The following ZNF438 variants were observed in gnomAD, a reference collection of about 807,000 sequenced individuals.
ZNF438 encodes zinc finger protein 438.
ZNF438 carries 25 observed loss-of-function variants against 38.0 expected under a neutral mutation model. The ratio of observed to expected loss-of-function variants is 0.66; its 90% confidence interval spans 0.48 to 0.92. The LOEUF is 0.92. Ranked by LOEUF, ZNF438 falls within the 40% of genes least tolerant of loss-of-function variation. ZNF438 has a pLI of 0.00. For synonymous variants in ZNF438, 372 were observed against 364.1 expected (o/e 1.02, Z -0.25); for missense variants, 1,007 against 999.6 (o/e 1.01, Z -0.10).
At chr10:30,912,144 C>A (rs1280376672) in intron 2 of ZNF438, among the ~76,000 whole-genome samples, 3 of 152,078 alleles carry the variant, frequency 2.0e-5, no homozygotes, top group African/African-American at 7.2e-5. Flanking sequence ...CTAGACACTT[C>A]CTGCTTCAAA....
intron 1 of ZNF438, among the ~76,000 whole-genome samples, chr10:31,023,444 T>A (rs2056742940): frequency 1.3e-5 from 2 of 152,194 alleles, no homozygotes; most frequent in South Asian, 4.1e-4. Context: ...ATAAAAATAA[T>A]CCTTGAGGCA....
intron 1 of ZNF438, among the ~76,000 whole-genome samples, chr10:30,942,356 C>T (rs2046905545): frequency 6.6e-6 from 1 of 152,164 alleles, no homozygotes; most frequent in Non-Finnish European, 1.5e-5. Flanking sequence ...TAAAAGATGG[C>T]TCTGGTTTTC....
chr10:30,955,482 G>A (rs1049947593), intron 1 of ZNF438, among the ~76,000 whole-genome samples: 6 of 152,154 alleles, frequency 3.9e-5, no homozygotes, highest in South Asian at 2.1e-4. Flanking sequence ...CTATCTCCAC[G>A]AAAATTCTCT....
intron 1 of ZNF438, among the ~76,000 whole-genome samples, chr10:31,013,734 A>C (rs182249083): frequency 4.0e-5 from 6 of 151,732 alleles, no homozygotes; most frequent in Non-Finnish European, 7.4e-5. Flanking sequence ...CACATTTTCT[A>C]TCTCTCCTTC....
intron 3 of ZNF438, among the ~76,000 whole-genome samples, chr10:30,882,245 T>C (rs1167036560): frequency 6.6e-6 from 1 of 152,114 alleles, no homozygotes; most frequent in Non-Finnish European, 1.5e-5. Context: ...GAGGTGAACA[T>C]ACACTTCTCC....
intron 1 of ZNF438, among the ~76,000 whole-genome samples, chr10:30,991,553 C>T (rs1370504531): frequency 1.3e-5 from 2 of 152,176 alleles, no homozygotes; most frequent in African/African-American, 2.4e-5. Flanking sequence ...ACTATTCCTG[C>T]CCCCAGTTTC....
intron 1 of ZNF438, among the ~76,000 whole-genome samples, chr10:30,970,812 T>A (rs2050658652): frequency 6.6e-6 from 1 of 152,166 alleles, no homozygotes; most frequent in Non-Finnish European, 1.5e-5. Context: ...AAAATGGACA[T>A]CATCACAGGC....
intron 3 of ZNF438, among the ~76,000 whole-genome samples, chr10:30,903,124 G>C (rs536747838): frequency 6.6e-6 from 1 of 152,196 alleles, no homozygotes; most frequent in South Asian, 2.1e-4. Flanking sequence ...CGCCCACCCG[G>C]AACTCTAGCT....
intron 1 of ZNF438, among the ~76,000 whole-genome samples, chr10:30,962,258 A>G (rs2049578828): frequency 6.8e-6 from 1 of 146,820 alleles, no homozygotes; most frequent in Admixed American, 6.9e-5. Flanking sequence ...TTCCCACTAA[A>G]CTTGACATCA....
At chr10:30,956,029 G>GC (rs1440043439) in intron 1 of ZNF438, among the ~76,000 whole-genome samples, 1 of 152,064 alleles carries the variant, frequency 6.6e-6, no homozygotes, top group African/African-American at 2.4e-5. Context: ...CTAAATCACT[G>GC]CAATTATAAC....
intron 1 of ZNF438, among the ~76,000 whole-genome samples, chr10:30,959,295 T>C (rs573351329): frequency 6.8e-6 from 1 of 146,682 alleles, no homozygotes; most frequent in South Asian, 2.2e-4. Flanking sequence ...GTTGATGGCC[T>C]GAATAGAACA....
intron 1 of ZNF438, among the ~76,000 whole-genome samples, chr10:31,025,099 C>T (rs1045391762): frequency 6.6e-6 from 1 of 152,142 alleles, no homozygotes; most frequent in Non-Finnish European, 1.5e-5. Context: ...AGCAGTACAA[C>T]ACAATCCTTT....
chr10:30,949,108 A>G lies in ZNF438; in HGVS notation c.-191-7457T>C, dbSNP rs775443592. 7.2e-4 allele frequency among the ~76,000 whole-genome samples: 109 copies of G among 152,184 alleles called. 1 individual carries two copies. The highest frequency in any genetic ancestry group is 3.2e-3 in the Middle Eastern group (1 of 316). ...GGGGGCCAATATTCAACATTCTTAA[A>G]GACAACAATTTTCAACCCAGAATTT... On this transcript the variant is annotated intron_variant, in intron 1 of 5. Coordinates refer to ENST00000413025, the Ensembl canonical transcript of ZNF438.
intron 1 of ZNF438, among the ~76,000 whole-genome samples, chr10:30,943,429 T>A (rs1309178094): frequency 6.6e-6 from 1 of 151,864 alleles, no homozygotes; most frequent in East Asian, 1.9e-4. Flanking sequence ...ATGGAAAAAA[T>A]ACTTGAATTT....
chr10:30,975,166 C>A (rs527660792), intron 1 of ZNF438, among the ~76,000 whole-genome samples: 1 of 152,154 alleles, frequency 6.6e-6, no homozygotes, highest in East Asian at 1.9e-4. Context: ...CAGAGTTCTT[C>A]CTTCCCCACT....
intron 3 of ZNF438, among the ~76,000 whole-genome samples, chr10:30,906,269 AC>A (rs2042573138): frequency 6.6e-6 from 1 of 152,040 alleles, no homozygotes; most frequent in Non-Finnish European, 1.5e-5. Flanking sequence ...CAAGTCTTGC[AC>A]TTCTTTTGCT....
intron 1 of ZNF438, among the ~76,000 whole-genome samples, chr10:31,008,778 T>C (rs2055388264): frequency 6.6e-6 from 1 of 152,256 alleles, no homozygotes; most frequent in Non-Finnish European, 1.5e-5. Context: ...TTCATTTCTC[T>C]TGCACAGATA....
intron 2 of ZNF438, among the ~76,000 whole-genome samples, chr10:30,928,418 A>T (rs1317605210): frequency 6.6e-6 from 1 of 152,154 alleles, no homozygotes; most frequent in African/African-American, 2.4e-5. Context: ...GACGAAAGGG[A>T]AGACAAAAAC....
intron 1 of ZNF438, among the ~76,000 whole-genome samples, chr10:30,969,763 A>G (rs1262400787): frequency 6.6e-6 from 1 of 152,114 alleles, no homozygotes; most frequent in African/African-American, 2.4e-5. Flanking sequence ...TCATACTCCC[A>G]TTGAATGTTA....
Sources: allele counts gnomAD v4.1 joint callset (sites outside exome capture counted in the v4.1 genomes callset), GRCh38; gene constraint gnomAD v4.1.1; transcripts MANE v1.5; gene names NCBI Gene and HGNC (gene_info 2026-07-23, HGNC 2026-07-21).